The following BICDL1 variants were observed in gnomAD, a reference collection of about 807,000 sequenced individuals.
BICDL1 encodes BICD family-like cargo adapter 1.
BICDL1 carries 20 observed loss-of-function variants against 76.8 expected under a neutral mutation model. The observed-to-expected ratio is 0.26, with a 90% CI of 0.18 to 0.38. The LOEUF is 0.38. Among genes scored for constraint, BICDL1 ranks in the 10% least tolerant of loss-of-function variants. The pLI, the probability that BICDL1 is intolerant of heterozygous loss-of-function variation, is 1.00. For synonymous variants in BICDL1, 383 were observed against 337.1 expected, an observed-to-expected ratio of 1.14 and a Z score of -1.49; for missense variants, 700 against 798.6, an observed-to-expected ratio of 0.88 and a Z score of 1.49.
intron 2 of BICDL1, among the ~76,000 whole-genome samples, chr12:120,027,299 G>C (rs953427716): frequency 1.3e-5 from 2 of 152,038 alleles, no homozygotes; most frequent in Non-Finnish European, 2.9e-5. Flanking sequence ...TGGGATTACA[G>C]GTGTGAGCCA....
chr12:119,996,506 G>A (rs1260716511), intron 1 of BICDL1, among the ~76,000 whole-genome samples: 1 of 152,156 alleles, frequency 6.6e-6, no homozygotes, highest in Non-Finnish European at 1.5e-5. Context: ...AAGATATTTT[G>A]AATGGTGAGA....
chr12:120,053,100 G>C (rs1360122656), intron 2 of BICDL1, among the ~76,000 whole-genome samples: 1 of 151,690 alleles, frequency 6.6e-6, no homozygotes, highest in Admixed American at 6.6e-5. Flanking sequence ...TCTTTTATTT[G>C]AGGTGTTTTG....
intron 2 of BICDL1, among the ~76,000 whole-genome samples, chr12:120,006,510 A>G (rs914995444): frequency 2.0e-5 from 3 of 152,226 alleles, no homozygotes; most frequent in African/African-American, 4.8e-5. Context: ...CAAATCAGCT[A>G]GTGATAGTAC....
chr12:120,013,011 T>C (rs977718553), intron 2 of BICDL1, among the ~76,000 whole-genome samples: 2 of 152,164 alleles, frequency 1.3e-5, no homozygotes, highest in Admixed American at 6.6e-5. Context: ...TTAATTTATC[T>C]AAGTTATAAA....
intron 3 of BICDL1, chr12:120,064,528 A>G: frequency 2.8e-6 from 1 of 362,978 alleles, no homozygotes; most frequent in Non-Finnish European, 4.9e-6. Flanking sequence ...CTCAACTCCT[A>G]CTCCTTCCCA....
chr12:120,009,726 A>G (rs1199071077), intron 2 of BICDL1, among the ~76,000 whole-genome samples: 6 of 152,196 alleles, frequency 3.9e-5, no homozygotes, highest in Non-Finnish European at 2.9e-5. Context: ...GCAGCATACT[A>G]TATACTCTTT....
chr12:120,090,815 G>A lies in BICDL1; in HGVS notation c.1704+744G>A, dbSNP rs939885173. Reference sequence around the variant, plus strand: ...TGGCAGCCAGAACACTGGCCCCACCGCAGGGTGCCCGTCCCTGGCTCCTTG... The same window carrying A: ...TGGCAGCCAGAACACTGGCCCCACCACAGGGTGCCCGTCCCTGGCTCCTTG... On this transcript the variant is annotated intron_variant, in intron 9 of 9. Transcript: ENST00000548673. The A allele has an allele frequency of 3.0e-5, 35 of 1,157,704 alleles. 1 individual carries two copies. The highest frequency in any genetic ancestry group is 3.2e-4 in the Middle Eastern group (1 of 3,162). 71.7% of individuals were successfully genotyped at this position (1,157,704 alleles called of 1,614,324 possible). A position where few individuals can be genotyped will look rare whatever the true frequency, so the allele number is the denominator to read the frequency against.
chr12:120,094,253 C>A lies in BICDL1; in HGVS notation c.*1092C>A, dbSNP rs1439749073. The A allele has an allele frequency of 4.4e-6, 2 of 456,648 alleles. No individual in the cohort carries two copies. Among genetic ancestry groups the A allele is most frequent in the Non-Finnish European group, 8.8e-6 (2 of 226,992 alleles). The allele number at this position is 456,648 out of a possible 1,614,324, so 28.3% of individuals were successfully genotyped here. A position where few individuals can be genotyped will look rare whatever the true frequency, so the allele number is the denominator to read the frequency against. On this transcript the variant is annotated 3_prime_UTR_variant, in exon 10 of 10. Transcript: ENST00000548673. ...CGGCCAGCCCTCAGCTGCTCACAAC[C>A]GATTCAGTCTCCCTCCCTCCCTCAC...
intron 2 of BICDL1, among the ~76,000 whole-genome samples, chr12:120,057,894 G>A (rs963130291): frequency 7.0e-6 from 1 of 142,738 alleles, no homozygotes; most frequent in African/African-American, 2.7e-5. Flanking sequence ...GCAGTGGCGC[G>A]ATCTCGGCAC....
intron 2 of BICDL1, among the ~76,000 whole-genome samples, chr12:120,029,806 C>A (rs1391354582): frequency 6.6e-6 from 1 of 152,146 alleles, no homozygotes; most frequent in Non-Finnish European, 1.5e-5. Flanking sequence ...AGGCACCCGT[C>A]AGCTGTAATC....
chr12:120,034,952 T>C (rs1209061792), intron 2 of BICDL1, among the ~76,000 whole-genome samples: 1 of 152,200 alleles, frequency 6.6e-6, no homozygotes, highest in Non-Finnish European at 1.5e-5. Flanking sequence ...TGCTGTGTGT[T>C]TTTCCCCCAT....
chr12:120,054,506 A>G (rs1952933678), intron 2 of BICDL1, among the ~76,000 whole-genome samples: 1 of 152,218 alleles, frequency 6.6e-6, no homozygotes, highest in Non-Finnish European at 1.5e-5. Flanking sequence ...ATTGCAAAAT[A>G]TGGGGAAATC....
rs570117029 is a variant in BICDL1 at position 120,062,851 on chromosome 12, C to T, written c.762+1025C>T. 4.6e-5 allele frequency among the ~76,000 whole-genome samples: 7 copies of T among 152,260 alleles called. No individual in the cohort carries two copies. In the East Asian group the frequency reaches 1.4e-3, roughly 29 times the overall value. ...TTGCCATTCACCTGCCTCTGCCAGC[C>T]TCTGACTCCTTCACGTTTCCTGTCT... is the stretch of plus-strand genomic sequence containing the variant. On this transcript the variant is annotated intron_variant, in intron 3 of 9. Coordinates refer to ENST00000548673, the MANE Select transcript of BICDL1 (RefSeq NM_001367886.1).
At chr12:120,085,233 G>T (rs370908667) in intron 8 of BICDL1, among the ~76,000 whole-genome samples, 27 of 151,972 alleles carry the variant, frequency 1.8e-4, no homozygotes, top group African/African-American at 5.8e-4. Context: ...ATCACTTGAG[G>T]TCAGGTGTTC....
chr12:120,042,029 G>T (rs981249463), intron 2 of BICDL1, among the ~76,000 whole-genome samples: 2 of 152,070 alleles, frequency 1.3e-5, no homozygotes, highest in African/African-American at 4.8e-5. Flanking sequence ...GGCTGTAGGA[G>T]GGCAAGGGTA....
intron 2 of BICDL1, among the ~76,000 whole-genome samples, chr12:120,012,185 G>A (rs1951968107): frequency 6.6e-6 from 1 of 152,192 alleles, no homozygotes; most frequent in Non-Finnish European, 1.5e-5. Context: ...GAGAGAGGTT[G>A]AGATGATTGG....
In BICDL1 at chr12:119,989,813, G is replaced by C. The variant is rs1057397272; in HGVS notation, c.-56G>C. The stretch of plus-strand genomic sequence containing the variant: ...CGGCGCGGCAGGGCCCCTCCCCCCT[G>C]CAGCCTGGCGCGCGCGGGCCGGGCC... On this transcript the variant is annotated 5_prime_UTR_variant, in exon 1 of 10. Coordinates refer to ENST00000548673, the MANE Select transcript of BICDL1 (RefSeq NM_001367886.1). 1 of 965,038 alleles carries C rather than the reference G, an allele frequency of 1.0e-6. No individual in the cohort carries two copies. Among genetic ancestry groups the C allele is most frequent in the African/African-American group, 1.8e-5 (1 of 56,524 alleles). 59.8% of individuals were successfully genotyped at this position (965,038 alleles called of 1,614,324 possible).
rs932763999 is a variant in BICDL1 at position 119,989,607 on chromosome 12, C to G, written c.-262C>G. ...TCCCCAGCCTTCCCGTTCCCACCAC[C>G]TACTCCGCCACTACCCCCACCCCCT... On this transcript the variant is annotated 5_prime_UTR_variant, in exon 1 of 10. Transcript: ENST00000548673. Among the ~76,000 whole-genome samples the G allele has an allele frequency of 6.7e-6, 1 of 150,074 alleles. No homozygotes were observed. Among genetic ancestry groups the G allele is most frequent in the East Asian group, 2.0e-4 (1 of 5,084 alleles).
In BICDL1 at chr12:119,990,084, C is replaced by G; in HGVS notation, c.216C>G (p.Pro72=). The G allele has an allele frequency of 6.5e-7, 1 of 1,540,922 alleles. No individual in the cohort carries two copies. The highest frequency in any genetic ancestry group is 8.7e-7 in the Non-Finnish European group (1 of 1,144,050). ...CGGCCGGGGAGCGGCCGTCCGACCC[C>G]GGGGAACACCCTCAGGCCGAGCCTG... ...LLAAGERPSD[P]GEHPQAEPGS... is the part of the protein sequence containing the mutation. Residue 72 remains proline, a synonymous_variant, in exon 1 of 10, where the codon CCC becomes CCG. Transcript: ENST00000548673.
Sources: gnomAD v4.1 joint callset for allele counts (sites outside exome capture counted in the v4.1 genomes callset) on GRCh38, gnomAD v4.1.1 for gene constraint, MANE v1.5 for transcripts, NCBI Gene and HGNC (gene_info 2026-07-23, HGNC 2026-07-21) for gene names.